ABCA8: variants seen among roughly 807,000 people sequenced by gnomAD.
The protein encoded by ABCA8 is ATP binding cassette subfamily A member 8, also known as ABC-type organic anion transporter ABCA8.
A neutral mutation model predicts 192.3 loss-of-function variants in ABCA8; 177 were observed. The observed-to-expected ratio is 0.92, with a 90% confidence interval of 0.81 to 1.04. ABCA8 has a LOEUF of 1.04. Ranked by LOEUF, ABCA8 falls within the 50% of genes least tolerant of loss-of-function variation. ABCA8 has a pLI of 0.00. For synonymous variants in ABCA8, 642 were observed against 690.2 expected (o/e 0.93, Z 1.09); for missense variants, 1,915 against 1,904.8 (o/e 1.01, Z -0.10).
chr17:68,929,339 T>C (rs2067794237), intron 8 of ABCA8, 105 bp from the exon 9 acceptor site: 1 of 1,091,306 alleles, frequency 9.2e-7, no homozygotes, highest in Admixed American at 2.8e-5. Context: ...GTAACAGTTG[T>C]ATATTATAGT....
At position 68,885,195 on chromosome 17, in the gene ABCA8, C is replaced by T; in HGVS notation, c.3549+1G>A. The T allele has an allele frequency of 6.2e-7, 1 of 1,611,932 alleles. No individual in the cohort carries two copies. Among genetic ancestry groups the T allele is most frequent in the South Asian group, 1.1e-5 (1 of 90,602 alleles). ...CTGGGACAGACTGTGTCATTACTTA[C>T]ATGAGAAGATAAGAACAAACAGCCA... On this transcript the variant is annotated splice_donor_variant, in intron 27 of 39. Coordinates refer to ENST00000586539, the MANE Select transcript of ABCA8 (RefSeq NM_001288985.2). LOFTEE classifies it high-confidence loss of function.
At chr17:68,900,116 G>T (rs2066867874) in intron 21 of ABCA8, among the ~76,000 whole-genome samples, 1 of 152,152 alleles carries the variant, frequency 6.6e-6, no homozygotes, top group African/African-American at 2.4e-5. Flanking sequence ...GTTTGGAAAT[G>T]AGTGACATAG....
intron 19 of ABCA8, among the ~76,000 whole-genome samples, chr17:68,904,614 T>C (rs1299527428): frequency 6.6e-6 from 1 of 152,166 alleles, no homozygotes; most frequent in African/African-American, 2.4e-5. Context: ...TGTGATTATA[T>C]GTGGGCTGAT....
chr17:68,902,629 G>C, intron 21 of ABCA8, 84 bp downstream of exon 21: 1 of 1,173,314 alleles, frequency 8.5e-7, no homozygotes, highest in Non-Finnish European at 1.2e-6. Flanking sequence ...TAAGTGAAAA[G>C]CTATTTTCTT....
At chr17:68,943,922 G>C (rs950136134) in intron 2 of ABCA8, among the ~76,000 whole-genome samples, 20 of 151,952 alleles carry the variant, frequency 1.3e-4, no homozygotes, top group African/African-American at 4.8e-4. Context: ...ATCAATGATA[G>C]ACTGCATAAA....
At chr17:68,950,099 A>G (rs1019098592) in intron 1 of ABCA8, among the ~76,000 whole-genome samples, 3 of 152,226 alleles carry the variant, frequency 2.0e-5, no homozygotes, top group African/African-American at 7.2e-5. Context: ...GCAAAGTCTC[A>G]GGATACAAAA....
intron 2 of ABCA8, among the ~76,000 whole-genome samples, chr17:68,945,701 T>G (rs2068379289): frequency 1.3e-5 from 2 of 152,204 alleles, no homozygotes; most frequent in African/African-American, 2.4e-5. Context: ...CTCAAGCATA[T>G]TGTTCCAACA....
intron 32 of ABCA8, 78 bp from the exon 33 acceptor site, chr17:68,877,757 C>T (rs180729926): frequency 1.5e-4 from 210 of 1,424,920 alleles, no homozygotes; most frequent in East Asian, 8.6e-4. Flanking sequence ...ATTCTCTTCA[C>T]GAACCTAGAA....
chr17:68,936,926 T>G (rs2068082758), intron 5 of ABCA8, 25 bp downstream of exon 5: 1 of 1,536,696 alleles, frequency 6.5e-7, no homozygotes, highest in African/African-American at 1.4e-5. Flanking sequence ...TAGAGAGTAG[T>G]GAAATTTTAG....
At position 68,921,511 on chromosome 17, in the gene ABCA8, A is replaced by C; in HGVS notation, c.1502-19T>G. 1 of 1,517,926 alleles carries C rather than the reference A, an allele frequency of 6.6e-7. No individual in the cohort carries two copies. The allele number at this position is 1,517,926 out of a possible 1,614,324, so 94.0% of individuals were successfully genotyped here. On this transcript the variant is annotated intron_variant, in intron 12 of 39. Transcript: ENST00000586539. ...ACCAGATCTAGGAAGAAAAAAAGAAAGGAAAGAAAGATAAGATAAAGGGAT... is the reference window on the plus strand; with the variant it reads ...ACCAGATCTAGGAAGAAAAAAAGAACGGAAAGAAAGATAAGATAAAGGGAT...
intron 17 of ABCA8, among the ~76,000 whole-genome samples, chr17:68,908,858 T>C (rs567336372): frequency 7.2e-5 from 11 of 152,330 alleles, no homozygotes; most frequent in Middle Eastern, 6.8e-3. Context: ...GGAATAATGA[T>C]TCCCAGCCTC....
At chr17:68,883,729 T>C (rs1280398610) in intron 29 of ABCA8, 62 bp downstream of exon 29, 1 of 1,092,116 alleles carries the variant, frequency 9.2e-7, no homozygotes, top group Non-Finnish European at 1.3e-6. Context: ...AATTGATTTA[T>C]GCATGAAAAA....
intron 5 of ABCA8, 33 bp downstream of exon 5, chr17:68,936,918 G>C: frequency 6.6e-7 from 1 of 1,520,112 alleles, no homozygotes; most frequent in Non-Finnish European, 8.8e-7. Flanking sequence ...AATTGAAATA[G>C]AGAGTAGTGA....
At position 68,885,000 on chromosome 17, in the gene ABCA8, T is replaced by C. The variant is rs2066423508; in HGVS notation, c.3549+196A>G. On this transcript the variant is annotated intron_variant, in intron 27 of 39. Coordinates refer to ENST00000586539, the MANE Select transcript of ABCA8 (RefSeq NM_001288985.2). ...CTTACCCTTCCTTCCCATATATTAA[T>C]CAGGACCAAATTTTCCATTACCAGT... 3.2e-6 allele frequency: 2 copies of C among 631,686 alleles called. No homozygotes were observed. The highest frequency in any genetic ancestry group is 6.3e-5 in the Admixed American group (1 of 15,796). 39.1% of individuals were successfully genotyped at this position (631,686 alleles called of 1,614,324 possible).
intron 37 of ABCA8, among the ~76,000 whole-genome samples, chr17:68,873,588 C>T (rs2066122646): frequency 6.6e-6 from 1 of 152,058 alleles, no homozygotes; most frequent in Non-Finnish European, 1.5e-5. Context: ...TTTTTATTGT[C>T]TATGCTTTTG....
At chr17:68,887,891 T>TATATGG (rs2066509471) in intron 24 of ABCA8, among the ~76,000 whole-genome samples, 1 of 42,702 alleles carries the variant, frequency 2.3e-5, no homozygotes, top group South Asian at 9.7e-4. Flanking sequence ...CATATATATA[T>TATATGG]ATATATATAT....
At chr17:68,942,987 A>G (rs1337235546) in intron 2 of ABCA8, among the ~76,000 whole-genome samples, 1 of 152,176 alleles carries the variant, frequency 6.6e-6, no homozygotes, top group East Asian at 1.9e-4. Flanking sequence ...TAGCTTAAGA[A>G]CCTGAATAAA....
At chr17:68,912,657 T>C (rs1285015675) in intron 17 of ABCA8, among the ~76,000 whole-genome samples, 2 of 152,124 alleles carry the variant, frequency 1.3e-5, no homozygotes, top group Admixed American at 6.5e-5. Flanking sequence ...AGAATGTCAC[T>C]ATATAATGAT....
At chr17:68,938,860 G>A (rs537645521) in intron 4 of ABCA8, among the ~76,000 whole-genome samples, 1 of 152,178 alleles carries the variant, frequency 6.6e-6, no homozygotes, top group Non-Finnish European at 1.5e-5. Context: ...AGCGTAGTTG[G>A]CTTTCAATCA....
Sources: gnomAD v4.1 joint callset for allele counts (sites outside exome capture counted in the v4.1 genomes callset) on GRCh38, gnomAD v4.1.1 for gene constraint, MANE v1.5 for transcripts, NCBI Gene and HGNC (gene_info 2026-07-23, HGNC 2026-07-21) for gene names.